BANF2: variants seen among roughly 807,000 people sequenced by gnomAD.
The protein encoded by BANF2 is BANF family member 2.
A neutral mutation model predicts 8.0 loss-of-function variants in BANF2; 4 were observed. That is an observed-to-expected ratio of 0.50 (90% CI 0.25 to 1.14). BANF2 has a LOEUF of 1.14. Ranked by LOEUF, BANF2 falls within the 50% of genes most tolerant of loss-of-function variation. BANF2 has a pLI of 0.16. For missense variants in BANF2, 96 were observed against 107.5 expected, an observed-to-expected ratio of 0.89 and a Z score of 0.47; for synonymous variants, 50 against 40.6, an observed-to-expected ratio of 1.23 and a Z score of -0.88.
At chr20:17,717,984 T>C (rs2037680001) in intron 1 of BANF2, among the ~76,000 whole-genome samples, 1 of 152,198 alleles carries the variant, frequency 6.6e-6, no homozygotes. Flanking sequence ...CTTTTAGGGA[T>C]ATAGATAAAA....
chr20:17,712,367 A>T, intron 1 of BANF2: 1 of 209,996 alleles, frequency 4.8e-6, no homozygotes, highest in Non-Finnish European at 8.3e-6. Flanking sequence ...GCCACTGTTT[A>T]CTGCTGCTAC....
intron 1 of BANF2, among the ~76,000 whole-genome samples, chr20:17,708,842 C>T (rs2037526439): frequency 6.6e-6 from 1 of 152,206 alleles, no homozygotes; most frequent in African/African-American, 2.4e-5. Flanking sequence ...CACCACCCTT[C>T]CCAGGCCCAG....
At chr20:17,697,798 G>T (rs576223507), upstream of BANF2, among the ~76,000 whole-genome samples, 6 of 152,298 alleles carry the variant, frequency 3.9e-5, no homozygotes, top group Middle Eastern at 3.4e-3. Context: ...TGATTGCAAT[G>T]TTGGAAGTGG....
At chr20:17,701,155 A>G (rs1313445865) in intron 1 of BANF2, among the ~76,000 whole-genome samples, 3 of 152,206 alleles carry the variant, frequency 2.0e-5, no homozygotes, top group Non-Finnish European at 2.9e-5. Flanking sequence ...TGGTTCACCA[A>G]GCATGCTAAG....
At chr20:17,735,543 A>G in intron 3 of BANF2, 122 bp from the exon 4 acceptor site, 1 of 1,191,062 alleles carries the variant, frequency 8.4e-7, no homozygotes, top group Non-Finnish European at 1.2e-6. Context: ...GCTCCCTTGA[A>G]TCGGCCCTGC....
intron 1 of BANF2, among the ~76,000 whole-genome samples, chr20:17,716,395 C>T (rs567257264): frequency 1.3e-5 from 2 of 151,960 alleles, no homozygotes; most frequent in African/African-American, 4.8e-5. Context: ...TGCAGTGGTA[C>T]GACCACGGCT....
rs550024861 is a variant in BANF2, at chr20:17,726,440, G to A, written c.126+1289G>A. ...GGACTCAAGTGATTCAACATACCTCGGCCTCCCAAAGTGCTAAGATTATAG... is the reference window on the plus strand; with the variant it reads ...GGACTCAAGTGATTCAACATACCTCAGCCTCCCAAAGTGCTAAGATTATAG... On this transcript the variant is annotated intron_variant, in intron 3 of 3. Coordinates refer to ENST00000246090, the MANE Select transcript of BANF2 (RefSeq NM_178477.5). Among the ~76,000 whole-genome samples, 6 of 152,140 alleles carry A rather than the reference G, an allele frequency of 3.9e-5. No individual in the cohort carries two copies. In the South Asian group the frequency reaches 1.2e-3, roughly 32 times the overall value.
At chr20:17,714,197 C>CAAAA (rs11375517) in intron 1 of BANF2, among the ~76,000 whole-genome samples, 41 of 74,958 alleles carry the variant, frequency 5.5e-4, no homozygotes, top group African/African-American at 2.0e-3. Context: ...GAGACTCTGT[C>CAAAA]AAAAAAAAAA....
upstream of BANF2, among the ~76,000 whole-genome samples, chr20:17,695,724 C>A (rs2037341680): frequency 6.6e-6 from 1 of 151,944 alleles, no homozygotes; most frequent in South Asian, 2.1e-4. Context: ...ATTAAGTGTA[C>A]AAGTTGATGA....
chr20:17,721,398 C>CT (rs753833970), intron 1 of BANF2, among the ~76,000 whole-genome samples: 152 of 18,754 alleles, frequency 8.1e-3, no homozygotes, highest in African/African-American at 0.036. Context: ...TTCTTTCTTT[C>CT]TTTTTTTTTT....
chr20:17,701,844 T>A (rs2037414392), intron 1 of BANF2, among the ~76,000 whole-genome samples: 1 of 152,232 alleles, frequency 6.6e-6, no homozygotes, highest in African/African-American at 2.4e-5. Context: ...CTGTGTTGAC[T>A]GAACAAATGG....
At chr20:17,734,815 A>G (rs1173404345) in intron 3 of BANF2, among the ~76,000 whole-genome samples, 3 of 152,228 alleles carry the variant, frequency 2.0e-5, no homozygotes, top group African/African-American at 7.2e-5. Flanking sequence ...CTATGGGCAC[A>G]GTGGCTTACC....
At chr20:17,713,222 C>G (rs1239194606) in intron 1 of BANF2, among the ~76,000 whole-genome samples, 2 of 151,896 alleles carry the variant, frequency 1.3e-5, no homozygotes, top group African/African-American at 4.8e-5. Context: ...TGCACTCCGG[C>G]CTGGTGATGA....
At chr20:17,721,549 G>A (rs949018313) in intron 1 of BANF2, among the ~76,000 whole-genome samples, 3 of 152,040 alleles carry the variant, frequency 2.0e-5, no homozygotes, top group East Asian at 1.9e-4. Flanking sequence ...ACACCACTAC[G>A]CCTGGCTAAT....
intron 3 of BANF2, among the ~76,000 whole-genome samples, chr20:17,726,694 C>G (rs1027722787): frequency 6.6e-6 from 1 of 152,174 alleles, no homozygotes; most frequent in Non-Finnish European, 1.5e-5. Context: ...CTCTTCTTGG[C>G]CAAGGCTATC....
chr20:17,724,455 A>C (rs975991163), intron 2 of BANF2, among the ~76,000 whole-genome samples: 1 of 152,212 alleles, frequency 6.6e-6, no homozygotes, highest in African/African-American at 2.4e-5. Flanking sequence ...GCCAAGCAAG[A>C]ATAAAGCCAA....
At chr20:17,697,343 A>C (rs1006852075), upstream of BANF2, among the ~76,000 whole-genome samples, 1 of 152,138 alleles carries the variant, frequency 6.6e-6, no homozygotes, top group Admixed American at 6.5e-5. Flanking sequence ...TGCAGAGGAA[A>C]AGGCCTTTGG....
rs550999238 is a variant in BANF2, at chr20:17,725,120, C to T, written c.95C>T (p.Ala32Val). Reference sequence around the variant, plus strand: ...GTGGATGGCATCAGCCATGAGCTCGCGATCAATTTGGTCACCAAAGGTATC... The same window carrying T: ...GTGGATGGCATCAGCCATGAGCTCGTGATCAATTTGGTCACCAAAGGTATC... ...CWVDGISHELAINLVTKGINK... is the reference protein window; with the variant it reads ...CWVDGISHELVINLVTKGINK... The change falls in exon 3 of 4, where the codon GCG becomes GTG. Residue 32 changes from alanine (A) to valine (V), a missense_variant. Transcript: ENST00000246090. 381 of 1,613,028 alleles carry T rather than the reference C, an allele frequency of 2.4e-4. 1 individual carries two copies. The South Asian group carries it at 3.9e-3, about 16-fold the overall frequency.
intron 3 of BANF2, among the ~76,000 whole-genome samples, chr20:17,732,655 C>T (rs181210905): frequency 2.6e-4 from 40 of 152,262 alleles, no homozygotes; most frequent in African/African-American, 8.9e-4. Context: ...CACACCTGGC[C>T]GAGCCCCCCC....
Sources: gnomAD v4.1 joint callset for allele counts (sites outside exome capture counted in the v4.1 genomes callset) on GRCh38, gnomAD v4.1.1 for gene constraint, MANE v1.5 for transcripts, NCBI Gene and HGNC (gene_info 2026-07-23, HGNC 2026-07-21) for gene names.